The following ZNF492 variants were observed in gnomAD, a reference collection of about 807,000 sequenced individuals.
ZNF492 encodes the protein zinc finger protein 115 (Y20).
In ZNF492, 3 loss-of-function variants were observed where a neutral mutation model predicts 6.4. The ratio of observed to expected loss-of-function variants is 0.47; its 90% CI spans 0.21 to 1.22. The LOEUF (loss-of-function observed/expected upper bound fraction) is 1.22, where lower values mean the gene tolerates loss of function less well. Among genes scored for constraint, ZNF492 ranks in the 50% most tolerant of loss-of-function variants. ZNF492 has a pLI of 0.22. For synonymous variants in ZNF492, 112 were observed against 205.3 expected, an observed-to-expected ratio of 0.55 and a Z score of 3.89; for missense variants, 356 against 612.5, an observed-to-expected ratio of 0.58 and a Z score of 4.42.
In ZNF492 at chr19:22,657,772, G is replaced by A. The variant is rs183506009; in HGVS notation, c.130+3757G>A. On this transcript the variant is annotated intron_variant, in intron 3 of 3. Coordinates refer to ENST00000456783, the MANE Select transcript of ZNF492 (RefSeq NM_020855.3). Reference sequence around the variant, plus strand: ...GCAATTCTGTTTTTACATGTAAGTCGGTGTGTGGTTTAAGAGATAGATCAG... The same window carrying A: ...GCAATTCTGTTTTTACATGTAAGTCAGTGTGTGGTTTAAGAGATAGATCAG... 2.7e-3 allele frequency among the ~76,000 whole-genome samples: 405 copies of A among 152,102 alleles called. 2 individuals carry two copies. The highest frequency in any genetic ancestry group is 8.1e-3 in the African/African-American group (336 of 41,452).
chr19:22,635,369 T>C (rs1971750614), intron 1 of ZNF492, among the ~76,000 whole-genome samples: 2 of 152,356 alleles, frequency 1.3e-5, no homozygotes, highest in Non-Finnish European at 2.9e-5. Context: ...TTTCAGTTCC[T>C]TCTGAAAATC....
chr19:22,658,990 G>A (rs1349595897), intron 3 of ZNF492, among the ~76,000 whole-genome samples: 2 of 151,988 alleles, frequency 1.3e-5, no homozygotes, highest in African/African-American at 4.8e-5. Context: ...GTACTTTATT[G>A]TATGTAGAGA....
At chr19:22,650,787 A>G (rs1043511890) in intron 1 of ZNF492, among the ~76,000 whole-genome samples, 3 of 152,128 alleles carry the variant, frequency 2.0e-5, no homozygotes, top group Non-Finnish European at 4.4e-5. Flanking sequence ...GGGGAAAAGC[A>G]TGGCCAGGAG....
chr19:22,657,750 A>G (rs1194749790), intron 3 of ZNF492, among the ~76,000 whole-genome samples: 12 of 152,068 alleles, frequency 7.9e-5, no homozygotes, highest in Non-Finnish European at 1.6e-4. Context: ...ACAATTTGCA[A>G]TTCTGTTTTT....
At chr19:22,637,574 G>A (rs1325191080) in intron 1 of ZNF492, among the ~76,000 whole-genome samples, 2 of 152,140 alleles carry the variant, frequency 1.3e-5, no homozygotes, top group South Asian at 2.1e-4. Flanking sequence ...GAGATTACAG[G>A]TGTGAGCCAC....
chr19:22,657,771 C>T (rs551958059), intron 3 of ZNF492, among the ~76,000 whole-genome samples: 4 of 151,904 alleles, frequency 2.6e-5, no homozygotes, highest in African/African-American at 7.3e-5. Flanking sequence ...ACATGTAAGT[C>T]GGTGTGTGGT....
At chr19:22,636,337 G>A (rs543134699) in intron 1 of ZNF492, among the ~76,000 whole-genome samples, 2 of 152,206 alleles carry the variant, frequency 1.3e-5, no homozygotes, top group East Asian at 3.9e-4. Flanking sequence ...AACCTCAGGT[G>A]ATCTGCCCGC....
chr19:22,645,644 A>C (rs1049078620), intron 1 of ZNF492, among the ~76,000 whole-genome samples: 1 of 152,060 alleles, frequency 6.6e-6, no homozygotes, highest in African/African-American at 2.4e-5. Flanking sequence ...TAGGGTTTTT[A>C]TGGTTTTGAG....
At chr19:22,635,350 A>G (rs1392941291) in intron 1 of ZNF492, among the ~76,000 whole-genome samples, 5 of 152,212 alleles carry the variant, frequency 3.3e-5, no homozygotes, top group Non-Finnish European at 5.9e-5. Flanking sequence ...TTGCAGTAAA[A>G]TACTGAATTT....
At chr19:22,653,090 T>TA (rs201984592) in intron 1 of ZNF492, among the ~76,000 whole-genome samples, 22,097 of 140,536 alleles carry the variant, frequency 0.16, 2,544 homozygotes, top group African/African-American at 0.31. Flanking sequence ...AGTATCATAC[T>TA]TACCTCGATG....
At chr19:22,660,097 T>C (rs1972042932) in intron 3 of ZNF492, among the ~76,000 whole-genome samples, 1 of 152,198 alleles carries the variant, frequency 6.6e-6, no homozygotes, top group Non-Finnish European at 1.5e-5. Context: ...CTGCTCTCAT[T>C]TGATTAATAT....
At position 22,665,987 on chromosome 19, in the gene ZNF492, CT is replaced by C. The variant is rs1180334758; in HGVS notation, c.*725del. 9 of 151,944 alleles carry C rather than the reference CT, an allele frequency of 5.9e-5. No homozygotes were observed. Among genetic ancestry groups the C allele is most frequent in the Non-Finnish European group, 1.2e-4 (8 of 67,992 alleles). The allele number at this position is 151,944 out of a possible 1,614,324, so 9.4% of individuals were successfully genotyped here. On this transcript the variant is annotated 3_prime_UTR_variant, in exon 4 of 4. Transcript: ENST00000456783. ...TGGCAGAAAAATTATTTGTTTATAA[CT>C]TTAAAAGAGTAGAAGATTTTTTGGA...
chr19:22,663,091 C>T (rs1972075416), intron 3 of ZNF492, among the ~76,000 whole-genome samples: 1 of 151,988 alleles, frequency 6.6e-6, no homozygotes, highest in Admixed American at 6.6e-5. Flanking sequence ...GTCTTTAATC[C>T]ATCTTGAATT....
chr19:22,643,322 A>G (rs1322720731), intron 1 of ZNF492, among the ~76,000 whole-genome samples: 1 of 152,174 alleles, frequency 6.6e-6, no homozygotes, highest in Non-Finnish European at 1.5e-5. Flanking sequence ...TCAGTCGGAT[A>G]TTGCTGCTTT....
chr19:22,661,316 G>A (rs759444486), intron 3 of ZNF492, among the ~76,000 whole-genome samples: 4 of 151,880 alleles, frequency 2.6e-5, no homozygotes, highest in Non-Finnish European at 5.9e-5. Context: ...ACTTATGAGT[G>A]TTTAAAATGT....
chr19:22,665,088 A>C lies in ZNF492; in HGVS notation c.1419A>C (p.Gly473=). The C allele has an allele frequency of 6.2e-7, 1 of 1,608,454 alleles. No homozygotes were observed. Among genetic ancestry groups the C allele is most frequent in the Non-Finnish European group, 8.5e-7 (1 of 1,179,584 alleles). ...HLTTHKMIHT[G]EKPYKCEECG... The stretch of plus-strand genomic sequence containing the variant: ...CTACACATAAGATGATTCATACTGG[A>C]GAGAAACCCTACAAGTGTGAAGAAT... Residue 473 remains glycine (G), a synonymous_variant, in exon 4 of 4, where the codon GGA becomes GGC. Coordinates refer to ENST00000456783, the MANE Select transcript of ZNF492 (RefSeq NM_020855.3).
chr19:22,650,911 G>A (rs1971933010), intron 1 of ZNF492, among the ~76,000 whole-genome samples: 1 of 152,126 alleles, frequency 6.6e-6, no homozygotes, highest in Non-Finnish European at 1.5e-5. Flanking sequence ...GGCTTAAACA[G>A]CAGGCAGCCA....
chr19:22,665,324 T>C lies in ZNF492; in HGVS notation c.*59T>C. ...TTATCACACTGGATTGTAGGTAAGG[T>C]AATTCATTCTGGAGAAAACTTCTAC... On this transcript the variant is annotated 3_prime_UTR_variant, in exon 4 of 4. Transcript: ENST00000456783. 1 of 1,494,830 alleles carries C rather than the reference T, an allele frequency of 6.7e-7. No homozygotes were observed. Among genetic ancestry groups the C allele is most frequent in the Non-Finnish European group, 8.9e-7 (1 of 1,123,426 alleles). 92.6% of individuals were successfully genotyped at this position (1,494,830 alleles called of 1,614,324 possible). A position where few individuals can be genotyped will look rare whatever the true frequency, so the allele number is the denominator to read the frequency against.
At chr19:22,646,976 G>A (rs1215317700) in intron 1 of ZNF492, among the ~76,000 whole-genome samples, 1 of 151,856 alleles carries the variant, frequency 6.6e-6, no homozygotes, top group Non-Finnish European at 1.5e-5. Context: ...CGCAACCTCC[G>A]CCTCCTGGGT....
Sources: allele counts gnomAD v4.1 joint callset (sites outside exome capture counted in the v4.1 genomes callset), GRCh38; gene constraint gnomAD v4.1.1; transcripts MANE v1.5; gene names NCBI Gene and HGNC (gene_info 2026-07-23, HGNC 2026-07-21).